Variants in TENM4 observed in about 807,000 individuals in gnomAD.
TENM4 encodes teneurin-4.
A neutral mutation model predicts 243.3 loss-of-function variants in TENM4; 82 were observed. The ratio of observed to expected loss-of-function variants is 0.34; its 90% CI spans 0.28 to 0.40. TENM4 has a LOEUF of 0.40. TENM4 is among the 10% of genes least tolerant of loss of function. The pLI is 1.00. For synonymous variants in TENM4, 1,412 were observed against 1,456.3 expected (o/e 0.97, Z 0.69); for missense variants, 3,138 against 3,673.3 (o/e 0.85, Z 3.77).
intron 6 of TENM4, among the ~76,000 whole-genome samples, chr11:79,013,336 C>A (rs1245151150): frequency 6.6e-6 from 1 of 152,200 alleles, no homozygotes; most frequent in Non-Finnish European, 1.5e-5. Flanking sequence ...CTCCAATTTG[C>A]CCCCTCTGGG....
chr11:79,228,704 A>G lies in TENM4; in HGVS notation c.-264-12795T>C, dbSNP rs1003338752. Reference sequence around the variant, plus strand: ...ATGTTCCCCCACTTCATTTTTTTCTAATTTTAAAAAAGTCTCCTGTTTTTT... The same window carrying G: ...ATGTTCCCCCACTTCATTTTTTTCTGATTTTAAAAAAGTCTCCTGTTTTTT... On this transcript the variant is annotated intron_variant, in intron 2 of 33. Coordinates refer to ENST00000278550, the MANE Select transcript of TENM4 (RefSeq NM_001098816.3). Among the ~76,000 whole-genome samples, 3 of 152,216 alleles carry G rather than the reference A, an allele frequency of 2.0e-5. No homozygotes were observed. The East Asian group carries it at 5.8e-4, about 29-fold the overall frequency.
At chr11:79,303,296 T>G (rs1256315471) in intron 1 of TENM4, among the ~76,000 whole-genome samples, 2 of 152,214 alleles carry the variant, frequency 1.3e-5, no homozygotes, top group Non-Finnish European at 2.9e-5. Flanking sequence ...CTGGTTCTAT[T>G]TCCTCCTCTC....
At chr11:79,071,785 A>C (rs1704577571) in intron 4 of TENM4, among the ~76,000 whole-genome samples, 1 of 152,134 alleles carries the variant, frequency 6.6e-6, no homozygotes, top group South Asian at 2.1e-4. Flanking sequence ...CCCATATTAT[A>C]GATGAAGCTA....
chr11:78,864,955 G>C (rs752527189), intron 9 of TENM4, among the ~76,000 whole-genome samples: 1 of 152,156 alleles, frequency 6.6e-6, no homozygotes, highest in African/African-American at 2.4e-5. Flanking sequence ...AGGGGGGCTA[G>C]AAGAACACAG....
chr11:79,321,061 TAGA>T (rs1856880351), intron 1 of TENM4, among the ~76,000 whole-genome samples: 1 of 152,224 alleles, frequency 6.6e-6, no homozygotes, highest in East Asian at 1.9e-4. Context: ...ATCTCAGAAG[TAGA>T]AGGAGGCCTA....
intron 6 of TENM4, among the ~76,000 whole-genome samples, chr11:78,960,124 T>C (rs1450162235): frequency 3.9e-5 from 6 of 152,108 alleles, no homozygotes; most frequent in African/African-American, 1.4e-4. Flanking sequence ...GCCACAAAGC[T>C]GGGTCTGGAA....
chr11:78,849,950 C>T (rs923310247), intron 12 of TENM4, among the ~76,000 whole-genome samples: 2 of 152,198 alleles, frequency 1.3e-5, no homozygotes, highest in Admixed American at 1.3e-4. Flanking sequence ...TCGGCCCAGC[C>T]AGGACCAGGG....
intron 19 of TENM4, among the ~76,000 whole-genome samples, chr11:78,739,261 C>T (rs1462231371): frequency 6.6e-6 from 1 of 152,136 alleles, no homozygotes; most frequent in Non-Finnish European, 1.5e-5. Flanking sequence ...GCAAATGTTG[C>T]TTAGTGCCTC....
chr11:79,112,886 A>C (rs1861536483), intron 4 of TENM4, among the ~76,000 whole-genome samples: 1 of 152,088 alleles, frequency 6.6e-6, no homozygotes, highest in Non-Finnish European at 1.5e-5. Flanking sequence ...CTTATACTTC[A>C]AATGTCCTCT....
intron 3 of TENM4, among the ~76,000 whole-genome samples, chr11:79,157,357 C>T (rs908941249): frequency 5.1e-4 from 77 of 152,176 alleles, no homozygotes; most frequent in African/African-American, 1.8e-3. Context: ...ATCTGTGCTG[C>T]AACGTGGAGT....
At chr11:78,825,551 C>T (rs948747655) in intron 12 of TENM4, among the ~76,000 whole-genome samples, 4 of 152,110 alleles carry the variant, frequency 2.6e-5, no homozygotes, top group Non-Finnish European at 4.4e-5. Context: ...GAAAGACAGA[C>T]TTTACACACA....
intron 6 of TENM4, among the ~76,000 whole-genome samples, chr11:78,972,251 C>T (rs1371166831): frequency 6.6e-6 from 1 of 152,146 alleles, no homozygotes; most frequent in African/African-American, 2.4e-5. Flanking sequence ...CAGGTCTTTT[C>T]CAGCCTATTA....
intron 2 of TENM4, among the ~76,000 whole-genome samples, chr11:79,218,595 C>G (rs1376178179): frequency 6.6e-6 from 1 of 152,144 alleles, no homozygotes; most frequent in Non-Finnish European, 1.5e-5. Flanking sequence ...TGGTCCCTCC[C>G]CTCTTGAAGA....
At chr11:79,064,572 C>T (rs1382235661) in intron 6 of TENM4, 166 bp downstream of exon 6, 2 of 872,478 alleles carry the variant, frequency 2.3e-6, no homozygotes, top group Admixed American at 5.5e-5. Flanking sequence ...CATGGGTGGG[C>T]ATTTCACGTG....
intron 12 of TENM4, among the ~76,000 whole-genome samples, chr11:78,828,289 G>T (rs560612829): frequency 2.6e-5 from 4 of 152,228 alleles, no homozygotes; most frequent in South Asian, 4.2e-4. Flanking sequence ...GCTAGACATG[G>T]TACTGGCCTC....
chr11:78,780,361 T>G (rs796472019), intron 16 of TENM4, among the ~76,000 whole-genome samples: 1 of 152,252 alleles, frequency 6.6e-6, no homozygotes, highest in African/African-American at 2.4e-5. Flanking sequence ...TCAAAGGGCA[T>G]GAATACATAG....
intron 6 of TENM4, among the ~76,000 whole-genome samples, chr11:79,058,414 G>A (rs1375555530): frequency 6.6e-6 from 1 of 151,964 alleles, no homozygotes; most frequent in Non-Finnish European, 1.5e-5. Flanking sequence ...GTGTGGTGGT[G>A]GGCGCCTGTA....
intron 6 of TENM4, among the ~76,000 whole-genome samples, chr11:78,989,595 A>T (rs1857991940): frequency 1.3e-5 from 2 of 152,204 alleles, no homozygotes; most frequent in Admixed American, 1.3e-4. Flanking sequence ...ATTAAATCAC[A>T]GTTCAGCCAT....
At position 78,961,798 on chromosome 11, in the gene TENM4, T is replaced by C. The variant is rs1241946166; in HGVS notation, c.494-58275A>G. ...TATGTCTTAACCTTTTTTTTTTTTTTCTGTCTGTGTCAATCTTTGTCTCTA... is the reference window on the plus strand; with the variant it reads ...TATGTCTTAACCTTTTTTTTTTTTTCCTGTCTGTGTCAATCTTTGTCTCTA... On this transcript the variant is annotated intron_variant, in intron 6 of 33. Coordinates refer to ENST00000278550, the MANE Select transcript of TENM4 (RefSeq NM_001098816.3). 4.1e-5 allele frequency among the ~76,000 whole-genome samples: 6 copies of C among 147,164 alleles called. No individual in the cohort carries two copies. The South Asian group carries it at 6.4e-4, about 16-fold the overall frequency.
Sources: gnomAD v4.1 joint callset for allele counts (sites outside exome capture counted in the v4.1 genomes callset) on GRCh38, gnomAD v4.1.1 for gene constraint, MANE v1.5 for transcripts, NCBI Gene and HGNC (gene_info 2026-07-23, HGNC 2026-07-21) for gene names.